Variants in CLASP1 observed in about 807,000 individuals in gnomAD.
CLASP1 encodes cytoplasmic linker associated protein 1.
A neutral mutation model predicts 192.3 loss-of-function variants in CLASP1; 38 were observed. That is an observed-to-expected ratio of 0.20 (90% CI 0.15 to 0.26). The LOEUF (loss-of-function observed/expected upper bound fraction) is 0.26. Among genes scored for constraint, CLASP1 ranks in the 10% least tolerant of loss-of-function variants. The pLI is 1.00. For synonymous variants in CLASP1, 691 were observed against 712.8 expected, an observed-to-expected ratio of 0.97 and a Z score of 0.49; for missense variants, 1,433 against 1,932.5, an observed-to-expected ratio of 0.74 and a Z score of 4.85.
At position 121,382,361 on chromosome 2, in the gene CLASP1, T is replaced by C. The variant is rs780341680; in HGVS notation, c.3375-37A>G. 27 of 1,354,382 alleles carry C rather than the reference T, an allele frequency of 2.0e-5. No homozygotes were observed. In the South Asian group the frequency reaches 3.6e-4, roughly 18 times the overall value. The allele number at this position is 1,354,382 out of a possible 1,614,324, so 83.9% of individuals were successfully genotyped here. A position where few individuals can be genotyped will look rare whatever the true frequency, so the allele number is the denominator to read the frequency against. On this transcript the variant is annotated intron_variant, in intron 32 of 39. Coordinates refer to ENST00000263710, the Ensembl canonical transcript of CLASP1. The stretch of plus-strand genomic sequence containing the variant: ...AGAAGAGGAAAATCAGAGAGAGAAA[T>C]ACAAAAAGCAAAGGGGAGGGGAGGA...
chr2:121,531,085 A>C (rs964187448), intron 2 of CLASP1: 6 of 670,910 alleles, frequency 8.9e-6, no homozygotes, highest in East Asian at 5.5e-5. Context: ...TGGTTAAACC[A>C]GTAGAGGGTG....
chr2:121,636,044 T>A (rs563063232), intron 1 of CLASP1, among the ~76,000 whole-genome samples: 9 of 151,940 alleles, frequency 5.9e-5, no homozygotes, highest in Non-Finnish European at 1.2e-4. Context: ...TCTAAAAAAA[T>A]AATAAATTTT....
intron 8 of CLASP1, among the ~76,000 whole-genome samples, chr2:121,485,560 T>G (rs915903828): frequency 5.3e-5 from 8 of 152,108 alleles, no homozygotes; most frequent in African/African-American, 1.4e-4. Context: ...TTCCTTCAAA[T>G]TTTGTATTTT....
intron 34 of CLASP1, 49 bp downstream of exon 35, chr2:121,377,450 T>C: frequency 2.2e-6 from 3 of 1,361,884 alleles, no homozygotes; most frequent in Non-Finnish European, 3.1e-6. Flanking sequence ...AGTCTCATTA[T>C]CTGTCATTTA....
At chr2:121,638,324 CAT>C (rs1320646560) in intron 1 of CLASP1, among the ~76,000 whole-genome samples, 5 of 151,902 alleles carry the variant, frequency 3.3e-5, no homozygotes, top group South Asian at 2.1e-4. Context: ...CAGAAAATGA[CAT>C]GTGTTGGTGA....
chr2:121,560,636 A>G (rs2058991603), intron 2 of CLASP1, among the ~76,000 whole-genome samples: 1 of 152,228 alleles, frequency 6.6e-6, no homozygotes, highest in Non-Finnish European at 1.5e-5. Flanking sequence ...CTCTAGGAAT[A>G]AGGGGTATCA....
At chr2:121,500,400 A>G (rs867908908) in intron 8 of CLASP1, among the ~76,000 whole-genome samples, 68 of 135,678 alleles carry the variant, frequency 5.0e-4, no homozygotes, top group South Asian at 1.2e-3. Flanking sequence ...AAGAAAGAAA[A>G]GAAAGAAAGA....
At chr2:121,591,892 A>T (rs1277829655) in intron 2 of CLASP1, among the ~76,000 whole-genome samples, 2 of 152,108 alleles carry the variant, frequency 1.3e-5, no homozygotes, top group Non-Finnish European at 2.9e-5. Flanking sequence ...CCCTCCCCAA[A>T]ATCCCATGTA....
At chr2:121,378,549 A>ACCAT (rs1187262852) in intron 33 of CLASP1, among the ~76,000 whole-genome samples, 1 of 152,112 alleles carries the variant, frequency 6.6e-6, no homozygotes, top group Non-Finnish European at 1.5e-5. Flanking sequence ...GAGAACAAAA[A>ACCAT]CCATCCTGAG....
chr2:121,589,646 A>AAC (rs1559699440), intron 2 of CLASP1, among the ~76,000 whole-genome samples: 2 of 151,524 alleles, frequency 1.3e-5, no homozygotes, highest in African/African-American at 2.4e-5. Flanking sequence ...AAAAAAAAAA[A>AAC]AACACACTAT....
intron 2 of CLASP1, among the ~76,000 whole-genome samples, chr2:121,569,160 G>A (rs915555880): frequency 1.3e-5 from 2 of 152,184 alleles, no homozygotes; most frequent in Non-Finnish European, 2.9e-5. Context: ...TCTGCCTCAA[G>A]AATCTTACAT....
chr2:121,361,031 C>A (rs995233762), intron 37 of CLASP1, among the ~76,000 whole-genome samples: 3 of 152,160 alleles, frequency 2.0e-5, no homozygotes, highest in African/African-American at 7.2e-5. Context: ...TTAACTTATA[C>A]TTCTTAGGAC....
intron 34 of CLASP1, among the ~76,000 whole-genome samples, chr2:121,371,744 T>C (rs527362437): frequency 6.6e-6 from 1 of 152,260 alleles, no homozygotes; most frequent in South Asian, 2.1e-4. Flanking sequence ...GACCAGTCAT[T>C]CTACCTGGGC....
intron 28 of CLASP1, among the ~76,000 whole-genome samples, chr2:121,400,365 C>G (rs1042147027): frequency 1.3e-5 from 2 of 152,118 alleles, no homozygotes; most frequent in African/African-American, 4.8e-5. Flanking sequence ...CAAAAGAAAA[C>G]AGCTGGCATC....
Position 121,438,710 on chromosome 2 carries a change from T to C in CLASP1, c.1913-8533A>G, listed in dbSNP as rs369208819. Among the ~76,000 whole-genome samples, 721 of 152,202 alleles carry C rather than the reference T, an allele frequency of 4.7e-3. 8 individuals carry two copies. Among genetic ancestry groups the C allele is most frequent in the African/African-American group, 0.017 (694 of 41,492 alleles). On this transcript the variant is annotated intron_variant, in intron 19 of 39. Transcript: ENST00000263710. ...TGATCATGGTGGATAAGCTTTTCGA[T>C]GTGCTGCTGGATTCGTTTTGCCAGT...
At position 121,530,912 on chromosome 2, in the gene CLASP1, C is replaced by G; in HGVS notation, c.196-587G>C. ...CTTTTCTTGGGGTTGCGCTACTGTC[C>G]AATGAGCGCATAGTGAGGGCAGTAC... On this transcript the variant is annotated intron_variant, in intron 2 of 39. Coordinates refer to ENST00000263710, the Ensembl canonical transcript of CLASP1. The G allele has an allele frequency of 8.6e-6, 6 of 699,172 alleles. No individual in the cohort carries two copies. The highest frequency in any genetic ancestry group is 1.6e-5 in the Non-Finnish European group (6 of 383,808). The allele number at this position is 699,172 out of a possible 1,614,324, so 43.3% of individuals were successfully genotyped here.
intron 2 of CLASP1, among the ~76,000 whole-genome samples, chr2:121,573,314 G>T (rs1287304915): frequency 6.6e-6 from 1 of 152,220 alleles, no homozygotes; most frequent in Non-Finnish European, 1.5e-5. Context: ...TGTAAACAAT[G>T]TGACAGCAGG....
chr2:121,641,169 C>G (rs2071983650), intron 1 of CLASP1, among the ~76,000 whole-genome samples: 1 of 152,188 alleles, frequency 6.6e-6, no homozygotes, highest in South Asian at 2.1e-4. Flanking sequence ...AATTCATTTT[C>G]TCTATACAAC....
chr2:121,377,338 T>C (rs760315556), intron 34 of CLASP1, among the ~76,000 whole-genome samples, 161 bp downstream of exon 35: 3 of 152,222 alleles, frequency 2.0e-5, no homozygotes, highest in Non-Finnish European at 2.9e-5. Flanking sequence ...CATAAATGTG[T>C]ATAATTATTA....
Sources: gnomAD v4.1 joint callset for allele counts (sites outside exome capture counted in the v4.1 genomes callset) on GRCh38, gnomAD v4.1.1 for gene constraint, MANE v1.5 for transcripts, NCBI Gene and HGNC (gene_info 2026-07-23, HGNC 2026-07-21) for gene names.